The following RASIP1 variants were observed in gnomAD, a reference collection of about 807,000 sequenced individuals.
The protein encoded by RASIP1 is Ras interacting protein 1.
RASIP1 carries 20 observed loss-of-function variants against 85.3 expected under a neutral mutation model. The ratio of observed to expected loss-of-function variants is 0.23; its 90% CI spans 0.17 to 0.34. The LOEUF is 0.34. Ranked by LOEUF, RASIP1 falls within the 10% of genes least tolerant of loss-of-function variation. The pLI is 1.00. For missense variants in RASIP1, 1,170 were observed against 1,390.9 expected (o/e 0.84, Z 2.53); for synonymous variants, 617 against 647.1 (o/e 0.95, Z 0.71).
chr19:48,737,943 G>A, intron 3 of RASIP1: 4 of 985,102 alleles, frequency 4.1e-6, no homozygotes, highest in South Asian at 4.7e-5. Context: ...TTTTTTGTTT[G>A]TTTGTTTGTT....
In RASIP1 at chr19:48,738,907, A is replaced by T; in HGVS notation, c.823+53T>A. ...GCCCCGCCCAGGCCCCGCCCCACGGACCCCGCCTCTCTGGCACCGAGTCCC... is the reference window on the plus strand; with the variant it reads ...GCCCCGCCCAGGCCCCGCCCCACGGTCCCCGCCTCTCTGGCACCGAGTCCC... On this transcript the variant is annotated intron_variant, in intron 3 of 11. Coordinates refer to ENST00000222145, the MANE Select transcript of RASIP1 (RefSeq NM_017805.3). This position sits in a 1 kb window ranked among gnomAD's most constrained non-coding sequence, Gnocchi z 4.0. 5.3e-6 allele frequency: 2 copies of T among 377,334 alleles called. No individual in the cohort carries two copies. Among genetic ancestry groups the T allele is most frequent in the Non-Finnish European group, 6.9e-6 (2 of 288,376 alleles). 23.4% of individuals were successfully genotyped at this position (377,334 alleles called of 1,614,324 possible). A position where few individuals can be genotyped will look rare whatever the true frequency, so the allele number is the denominator to read the frequency against.
Position 48,740,301 on chromosome 19 carries a change from G to T in RASIP1, c.-4-15C>A. ...ACAGCATGGCCCTAAGGGAAGGCGGGTAAGGCCCCAACTCCTAAGGCATTC... is the reference window on the plus strand; with the variant it reads ...ACAGCATGGCCCTAAGGGAAGGCGGTTAAGGCCCCAACTCCTAAGGCATTC... On this transcript the variant is annotated splice_polypyrimidine_tract_variant and intron_variant, in intron 1 of 11. Coordinates refer to ENST00000222145, the MANE Select transcript of RASIP1 (RefSeq NM_017805.3). The surrounding 1 kb of genome is among the most constrained non-coding windows in gnomAD (Gnocchi z 5.5). 6.4e-7 allele frequency: 1 copy of T among 1,568,756 alleles called. No individual in the cohort carries two copies.
At chr19:48,721,729 G>A in intron 11 of RASIP1, 125 bp downstream of exon 11, 1 of 1,245,590 alleles carries the variant, frequency 8.0e-7, no homozygotes, top group South Asian at 1.6e-5. Flanking sequence ...CTTGAACCCG[G>A]GAGGCAGAGG....
Position 48,724,429 on chromosome 19 carries a change from C to T in RASIP1, c.2452G>A (p.Gly818Arg). The change falls in exon 10 of 12, where the codon GGA (glycine) becomes AGA (arginine). Residue 818 changes from glycine (G) to arginine (R), a missense_variant. Physicochemically the swap from Gly to Arg is moderately radical, Grantham distance 125. Coordinates refer to ENST00000222145, the MANE Select transcript of RASIP1 (RefSeq NM_017805.3). The surrounding 1 kb of genome is among the most constrained non-coding windows in gnomAD (Gnocchi z 4.6). ...GTGGCAATGTCGCCCAGCCCAGCTC[C>T]CTGTAGCCAGTCCAAGACGAGGTCC... Reference protein sequence around the residue: ...NLDLVLDWLQGAGLGDIATEF... With the variant: ...NLDLVLDWLQRAGLGDIATEF... 6.2e-7 allele frequency: 1 copy of T among 1,614,174 alleles called. No homozygotes were observed. The highest frequency in any genetic ancestry group is 1.3e-5 in the African/African-American group (1 of 75,038).
chr19:48,735,156 G>GTA (rs776603238), intron 4 of RASIP1, 40 bp downstream of exon 4: 28 of 1,542,898 alleles, frequency 1.8e-5, no homozygotes, highest in Non-Finnish European at 2.0e-5. Flanking sequence ...AACAGATGGG[G>GTA]TATAGGGCTC....
rs985840146 is a variant in RASIP1 at position 48,738,312 on chromosome 19, T to C, written c.823+648A>G. On this transcript the variant is annotated intron_variant, in intron 3 of 11. Transcript: ENST00000222145. The surrounding 1 kb of genome is among the most constrained non-coding windows in gnomAD (Gnocchi z 4.0). ...GTATCAAAACAGTTGCACTATTGAT[T>C]TCTCTTTCTCCTAATTGGCCCCAAG... is the stretch of plus-strand genomic sequence containing the variant. Among the ~76,000 whole-genome samples, 5 of 152,214 alleles carry C rather than the reference T, an allele frequency of 3.3e-5. No homozygotes were observed.
In RASIP1 at chr19:48,724,843, C is replaced by G; in HGVS notation, c.2245G>C (p.Gly749Arg). The G allele has an allele frequency of 6.2e-7, 1 of 1,614,234 alleles. No individual in the cohort carries two copies. The highest frequency in any genetic ancestry group is 8.5e-7 in the Non-Finnish European group (1 of 1,180,048). The change falls in exon 9 of 12, where the codon GGC (glycine) becomes CGC (arginine). Residue 749 changes from glycine (G) to arginine (R), a missense_variant. Physicochemically the swap from Gly to Arg is moderately radical, Grantham distance 125 (BLOSUM62 -2). This residue lies in a region of RASIP1 where 426 missense variants were observed against 576.2 expected (regional missense o/e 0.74). Coordinates refer to ENST00000222145, the MANE Select transcript of RASIP1 (RefSeq NM_017805.3). This position sits in a 1 kb window ranked among gnomAD's most constrained non-coding sequence, Gnocchi z 4.6. ...AGCTCCAAGGCTGCCTGGAACACGC[C>G]CAGGGTAGGTCTCAATCCTGGAGGC... Reference protein sequence around the residue: ...AMPPGLRPTLGVFQAALELTS... With the variant: ...AMPPGLRPTLRVFQAALELTS...
At position 48,739,018 on chromosome 19, in the gene RASIP1, G is replaced by C; in HGVS notation, c.765C>G (p.Arg255=). The C allele has an allele frequency of 2.4e-6, 3 of 1,245,148 alleles. No homozygotes were observed. The highest frequency in any genetic ancestry group is 3.0e-6 in the Non-Finnish European group (3 of 998,582). 77.1% of individuals were successfully genotyped at this position (1,245,148 alleles called of 1,614,324 possible). Residue 255 remains arginine, a synonymous_variant, in exon 3 of 12, where the codon CGC becomes CGG. Transcript: ENST00000222145. This position sits in a 1 kb window ranked among gnomAD's most constrained non-coding sequence, Gnocchi z 9.2. ...RPGWARRFEL[R]GREEARRLEQ... ...CCAGGCGCCGCGCCTCCTCGCGGCCGCGCAACTCGAAGCGCCGCGCCCAGC... is the reference window on the plus strand; with the variant it reads ...CCAGGCGCCGCGCCTCCTCGCGGCCCCGCAACTCGAAGCGCCGCGCCCAGC...
rs566779842 is a variant in RASIP1 at position 48,727,747 on chromosome 19, C to G, written c.1834-317G>C. Among the ~76,000 whole-genome samples, 3 of 144,216 alleles carry G rather than the reference C, an allele frequency of 2.1e-5. No individual in the cohort carries two copies. In the Admixed American group the frequency reaches 2.2e-4, roughly 11 times the overall value. The allele number at this position is 144,216 out of a possible 152,430, so 94.6% of individuals were successfully genotyped here. A position where few individuals can be genotyped will look rare whatever the true frequency, so the allele number is the denominator to read the frequency against. On this transcript the variant is annotated intron_variant, in intron 5 of 11. Coordinates refer to ENST00000222145, the MANE Select transcript of RASIP1 (RefSeq NM_017805.3). ...TGTTGCCCAGGCTGGGGTGCAATGG[C>G]TCAATTTTGGCTCACTGCAACCTCT...
chr19:48,732,413 G>T (rs1344164170), intron 4 of RASIP1, among the ~76,000 whole-genome samples: 1 of 151,862 alleles, frequency 6.6e-6, no homozygotes, highest in Admixed American at 6.6e-5. Context: ...CCGCCACCAC[G>T]CCCAGCTAAT....
chr19:48,738,914 C>T lies in RASIP1; in HGVS notation c.823+46G>A. ...CCAGGCCCCGCCCCACGGACCCCGC[C>T]TCTCTGGCACCGAGTCCCCGCCCCA... On this transcript the variant is annotated intron_variant, in intron 3 of 11. Coordinates refer to ENST00000222145, the MANE Select transcript of RASIP1 (RefSeq NM_017805.3). This position sits in a 1 kb window ranked among gnomAD's most constrained non-coding sequence, Gnocchi z 4.0. 1.7e-6 allele frequency: 2 copies of T among 1,199,594 alleles called. No homozygotes were observed. The highest frequency in any genetic ancestry group is 1.0e-6 in the Non-Finnish European group (1 of 966,860). The allele number at this position is 1,199,594 out of a possible 1,614,324, so 74.3% of individuals were successfully genotyped here. A position where few individuals can be genotyped will look rare whatever the true frequency, so the allele number is the denominator to read the frequency against.
chr19:48,720,721 G>C lies in RASIP1; in HGVS notation c.*77C>G, dbSNP rs982114436. 6.1e-6 allele frequency: 9 copies of C among 1,483,604 alleles called. No homozygotes were observed. The African/African-American group carries it at 1.1e-4, about 18-fold the overall frequency. 91.9% of individuals were successfully genotyped at this position (1,483,604 alleles called of 1,614,324 possible). A position where few individuals can be genotyped will look rare whatever the true frequency, so the allele number is the denominator to read the frequency against. ...GGATAAGAACTACAACTCCCAGAAA[G>C]CTTTGCGCTCAGGCGGGCTCCTGTC... On this transcript the variant is annotated 3_prime_UTR_variant, in exon 12 of 12. Transcript: ENST00000222145.
Position 48,739,469 on chromosome 19 carries a change from C to T in RASIP1, c.314G>A (p.Gly105Asp). 1 of 1,486,456 alleles carries T rather than the reference C, an allele frequency of 6.7e-7. No individual in the cohort carries two copies. The highest frequency in any genetic ancestry group is 8.9e-7 in the Non-Finnish European group (1 of 1,124,544). 92.1% of individuals were successfully genotyped at this position (1,486,456 alleles called of 1,614,324 possible). Residue 105 changes from glycine to aspartate, a missense_variant, in exon 3 of 12, where the codon GGC (glycine) becomes GAC (aspartate). Physicochemically the swap from Gly to Asp is moderately conservative, Grantham distance 94. Coordinates refer to ENST00000222145, the MANE Select transcript of RASIP1 (RefSeq NM_017805.3). This position sits in a 1 kb window ranked among gnomAD's most constrained non-coding sequence, Gnocchi z 9.2. Reference protein sequence around the residue: ...GSGTGTTGSSGAGGPGTPGGA... With the variant: ...GSGTGTTGSSDAGGPGTPGGA... ...CCCCGGGGTCCCAGGGCCTCCTGCG[C>T]CGCTGGACCCCGTGGTCCCGGTCCC...
At chr19:48,726,699 A>G in intron 8 of RASIP1, 86 bp downstream of exon 8, 1 of 1,082,202 alleles carries the variant, frequency 9.2e-7, no homozygotes, top group Non-Finnish European at 1.4e-6. Flanking sequence ...TCAAACAAGA[A>G]GTGATGTTAC....
intron 4 of RASIP1, among the ~76,000 whole-genome samples, chr19:48,732,714 A>G (rs1462081741): frequency 1.3e-5 from 2 of 152,076 alleles, no homozygotes; most frequent in Non-Finnish European, 2.9e-5. Flanking sequence ...AATATATGCA[A>G]TCCTCTTACT....
Position 48,738,921 on chromosome 19 carries a change from G to A in RASIP1, c.823+39C>T, listed in dbSNP as rs2033620723. ...CCGCCCCACGGACCCCGCCTCTCTGGCACCGAGTCCCCGCCCCAGAGCCCC... is the reference window on the plus strand; with the variant it reads ...CCGCCCCACGGACCCCGCCTCTCTGACACCGAGTCCCCGCCCCAGAGCCCC... On this transcript the variant is annotated intron_variant, in intron 3 of 11. Transcript: ENST00000222145. This position sits in a 1 kb window ranked among gnomAD's most constrained non-coding sequence, Gnocchi z 4.0. 9.2e-6 allele frequency: 11 copies of A among 1,197,912 alleles called. No homozygotes were observed. Among genetic ancestry groups the A allele is most frequent in the Non-Finnish European group, 1.1e-5 (11 of 966,952 alleles). 74.2% of individuals were successfully genotyped at this position (1,197,912 alleles called of 1,614,324 possible). A position where few individuals can be genotyped will look rare whatever the true frequency, so the allele number is the denominator to read the frequency against.
At chr19:48,737,615 G>A (rs2033596695) in intron 3 of RASIP1, 1 of 985,216 alleles carries the variant, frequency 1.0e-6, no homozygotes, top group Non-Finnish European at 1.2e-6. Flanking sequence ...CCTGATCTAG[G>A]AACCTGTATT....
intron 4 of RASIP1, among the ~76,000 whole-genome samples, chr19:48,732,299 A>C (rs1011793413): frequency 4.7e-5 from 7 of 150,510 alleles, no homozygotes; most frequent in Admixed American, 4.6e-4. Flanking sequence ...TCTGTTGCCC[A>C]GGCTGGAGTG....
intron 10 of RASIP1, 133 bp from the exon 11 acceptor site, chr19:48,722,134 G>C: frequency 1.1e-6 from 1 of 873,876 alleles, no homozygotes; most frequent in African/African-American, 1.8e-5. Context: ...TGGGCACTGT[G>C]AAGTCTGTTT....
Sources: gnomAD v4.1 joint callset for allele counts (sites outside exome capture counted in the v4.1 genomes callset) on GRCh38, gnomAD v4.1.1 for gene constraint, gnomAD v4.1.1 regional missense constraint, Gnocchi (gnomAD v3.1) non-coding constraint, MANE v1.5 for transcripts, NCBI Gene and HGNC (gene_info 2026-07-23, HGNC 2026-07-21) for gene names.